Variants in TM2D3 observed in about 807,000 individuals in gnomAD.
TM2D3 encodes the protein TM2 domain-containing protein 3.
TM2D3 carries 33 observed loss-of-function variants against 27.3 expected under a neutral mutation model. The ratio of observed to expected loss-of-function variants is 1.21; its 90% CI spans 0.92 to 1.61. The LOEUF is 1.61. Ranked by LOEUF, TM2D3 falls within the 40% of genes most tolerant of loss-of-function variation. The pLI, the probability that TM2D3 is intolerant of heterozygous loss-of-function variation, is 0.00. For synonymous variants in TM2D3, 138 were observed against 122.2 expected (o/e 1.13, Z -0.85); for missense variants, 364 against 320.8 (o/e 1.13, Z -1.03).
At chr15:101,640,767 G>C (rs1896648083), downstream of TM2D3, among the ~76,000 whole-genome samples, 1 of 152,196 alleles carries the variant, frequency 6.6e-6, no homozygotes, top group Non-Finnish European at 1.5e-5. Flanking sequence ...AAGCATTCCT[G>C]ACTGGCTTAC....
chr15:101,641,657 C>T (rs888496452), downstream of TM2D3, among the ~76,000 whole-genome samples: 1 of 151,964 alleles, frequency 6.6e-6, no homozygotes, highest in Admixed American at 6.6e-5. Flanking sequence ...TTTTTTTCCC[C>T]GATAAAGGGT....
chr15:101,648,112 G>C (rs140742073), intron 3 of TM2D3: 36 of 152,226 alleles, frequency 2.4e-4, no homozygotes, highest in African/African-American at 8.4e-4. Context: ...TGGCCAGGCT[G>C]GTCTCAACCT....
At chr15:101,644,204 C>T (rs973915871) in intron 5 of TM2D3, among the ~76,000 whole-genome samples, 2 of 152,134 alleles carry the variant, frequency 1.3e-5, no homozygotes, top group African/African-American at 4.8e-5. Context: ...TTTTCAGTTA[C>T]ACTTTTCCTG....
intron 3 of TM2D3, 117 bp downstream of exon 3, chr15:101,649,887 A>G: frequency 1.0e-6 from 1 of 993,688 alleles, no homozygotes; most frequent in Non-Finnish European, 1.5e-6. Flanking sequence ...CAAAAGGGAA[A>G]TCATAAAAGA....
chr15:101,633,161 A>G (rs970772624), exon 5 of TM2D3: 1 of 152,348 alleles, frequency 6.6e-6, no homozygotes, highest in Non-Finnish European at 1.5e-5. Context: ...CTGCCTTAAA[A>G]ATTTTTTTGC....
At chr15:101,652,225 G>A (rs1414185176) in intron 1 of TM2D3, 46 bp downstream of exon 1, 4 of 1,549,862 alleles carry the variant, frequency 2.6e-6, no homozygotes, top group Non-Finnish European at 3.5e-6. Context: ...CCGGGGCCCT[G>A]CTGCCACTCA....
exon 5 of TM2D3, chr15:101,633,397 G>C (rs1012398124): frequency 1.7e-5 from 6 of 350,738 alleles, no homozygotes; most frequent in African/African-American, 1.0e-4. Flanking sequence ...GGTGTTGGTG[G>C]GACTGTGTTC....
At chr15:101,650,186 A>C in intron 2 of TM2D3, 25 bp from the exon 3 acceptor site, 7 of 1,608,248 alleles carry the variant, frequency 4.4e-6, no homozygotes, top group Non-Finnish European at 5.9e-6. Flanking sequence ...AGAGAAGCTT[A>C]TTCTCCTATA....
At chr15:101,640,960 T>C (rs551151529), downstream of TM2D3, among the ~76,000 whole-genome samples, 8 of 152,328 alleles carry the variant, frequency 5.3e-5, no homozygotes, top group African/African-American at 1.9e-4. Flanking sequence ...GTTACCTATT[T>C]CCACCAAGGG....
Position 101,652,302 on chromosome 15 carries a change from G to A in TM2D3, c.60C>T (p.Phe20=), listed in dbSNP as rs774268158. Reference sequence around the variant, plus strand: ...CCGACAGAATGCAGAACTGCGAGAGGAAGAGCAGCACGCGACACAAGGCGC... The same window carrying A: ...CCGACAGAATGCAGAACTGCGAGAGAAAGAGCAGCACGCGACACAAGGCGC... ...GLRALCRVLL[F]LSQFCILSGG... is the part of the protein sequence containing the mutation. The change falls in exon 1 of 6, where the codon TTC becomes TTT. Residue 20 remains phenylalanine (F), a synonymous_variant. Transcript: ENST00000333202. 1.2e-4 allele frequency: 195 copies of A among 1,604,194 alleles called. No homozygotes were observed. The highest frequency in any genetic ancestry group is 7.4e-4 in the South Asian group (67 of 90,506).
At chr15:101,641,424 T>TG (rs1896665576), downstream of TM2D3, among the ~76,000 whole-genome samples, 1 of 152,212 alleles carries the variant, frequency 6.6e-6, no homozygotes, top group Admixed American at 6.5e-5. Flanking sequence ...AAGTGATCAC[T>TG]GAAACCTTTC....
chr15:101,647,482 G>A (rs1896845938), intron 3 of TM2D3, among the ~76,000 whole-genome samples: 1 of 152,188 alleles, frequency 6.6e-6, no homozygotes, highest in Non-Finnish European at 1.5e-5. Flanking sequence ...CCTACCACCA[G>A]GGCATGTGGC....
At chr15:101,634,013 T>C (rs866968903) in intron 4 of TM2D3, 15 of 295,824 alleles carry the variant, frequency 5.1e-5, no homozygotes, top group African/African-American at 2.8e-4. Context: ...TATAAAAAGG[T>C]ACCAAGGGAA....
downstream of TM2D3, among the ~76,000 whole-genome samples, chr15:101,637,696 C>T (rs1896579254): frequency 6.6e-6 from 1 of 152,176 alleles, no homozygotes; most frequent in Non-Finnish European, 1.5e-5. Flanking sequence ...GCTCCCACCT[C>T]AGCTTCCCAA....
At chr15:101,638,457 C>G (rs1256693144), downstream of TM2D3, among the ~76,000 whole-genome samples, 4 of 151,852 alleles carry the variant, frequency 2.6e-5, no homozygotes, top group Non-Finnish European at 5.9e-5. Flanking sequence ...ACCACGCCCA[C>G]CTAATTGTTT....
At position 101,642,639 on chromosome 15, in the gene TM2D3, G is replaced by C. The variant is rs759078199; in HGVS notation, c.584C>G (p.Thr195Ser). Reference protein sequence around the residue: ...KWSTALALSITLGGFGADRFY... With the variant: ...KWSTALALSISLGGFGADRFY... ...ACGGTCTGCTCCAAACCCACCGAGG[G>C]TGATGCTGCGATGGCAAACAGACAG... The change falls in exon 6 of 6, where the codon ACC (threonine) becomes AGC (serine). Residue 195 changes from threonine to serine, a missense_variant. Physicochemically the swap from Thr to Ser is moderately conservative, Grantham distance 58 (BLOSUM62 1). Transcript: ENST00000333202. 22 of 1,597,432 alleles carry C rather than the reference G, an allele frequency of 1.4e-5. No homozygotes were observed. The highest frequency in any genetic ancestry group is 1.0e-4 in the Admixed American group (6 of 57,820).
intron 5 of TM2D3, 80 bp downstream of exon 5, chr15:101,645,007 A>C: frequency 3.4e-6 from 4 of 1,189,634 alleles, no homozygotes; most frequent in Non-Finnish European, 4.9e-6. Flanking sequence ...AATGAAGGGG[A>C]CTGAGCTCAA....
intron 2 of TM2D3, 183 bp downstream of exon 2, chr15:101,651,513 A>AT (rs1237854323): frequency 9.1e-5 from 52 of 572,656 alleles, no homozygotes; most frequent in African/African-American, 8.5e-4. Flanking sequence ...GTCAAAAGGT[A>AT]TAAATACGAA....
chr15:101,639,733 TACAG>T (rs146969856), downstream of TM2D3, among the ~76,000 whole-genome samples: 1,533 of 152,320 alleles, frequency 0.01, 16 homozygotes, highest in African/African-American at 0.032. Context: ...AACATGGTGT[TACAG>T]ACAAATATTT....
Sources: gnomAD v4.1 joint callset for allele counts (sites outside exome capture counted in the v4.1 genomes callset) on GRCh38, gnomAD v4.1.1 for gene constraint, MANE v1.5 for transcripts, NCBI Gene and HGNC (gene_info 2026-07-23, HGNC 2026-07-21) for gene names.